ADGRL4: variants seen among roughly 807,000 people sequenced by gnomAD.
ADGRL4 encodes the protein EGF, latrophilin and seven transmembrane domain containing 1.
ADGRL4 carries 90 observed loss-of-function variants against 74.8 expected under a neutral mutation model. The ratio of observed to expected loss-of-function variants is 1.20; its 90% CI spans 1.02 to 1.43. The LOEUF (loss-of-function observed/expected upper bound fraction) is 1.43, where lower values mean the gene tolerates loss of function less well. Among genes scored for constraint, ADGRL4 ranks in the 40% most tolerant of loss-of-function variants. The pLI, the probability that ADGRL4 is intolerant of heterozygous loss-of-function variation, is 0.00. For missense variants in ADGRL4, 881 were observed against 814.3 expected, an observed-to-expected ratio of 1.08 and a Z score of -1.00; for synonymous variants, 311 against 279.2, an observed-to-expected ratio of 1.11 and a Z score of -1.14.
intron 2 of ADGRL4, among the ~76,000 whole-genome samples, chr1:78,949,758 C>A (rs1649684010): frequency 1.3e-5 from 2 of 152,060 alleles, no homozygotes; most frequent in Non-Finnish European, 2.9e-5. Flanking sequence ...TACCTAATCC[C>A]TGTAACTAAC....
intron 2 of ADGRL4, among the ~76,000 whole-genome samples, chr1:78,954,336 A>G (rs1005709322): frequency 6.6e-6 from 1 of 152,098 alleles, no homozygotes; most frequent in Non-Finnish European, 1.5e-5. Flanking sequence ...GGAATGAGAA[A>G]TGTACTGAAA....
chr1:78,949,465 A>T (rs10157118), intron 2 of ADGRL4, among the ~76,000 whole-genome samples: 13,553 of 152,192 alleles, frequency 0.089, 798 homozygotes, highest in East Asian at 0.33. Context: ...TGATATGGAC[A>T]AATTCCCTAA....
intron 12 of ADGRL4, among the ~76,000 whole-genome samples, chr1:78,899,686 T>A (rs1313793599): frequency 6.6e-6 from 1 of 152,138 alleles, no homozygotes; most frequent in Non-Finnish European, 1.5e-5. Flanking sequence ...CATCAGAATT[T>A]TAAATTGTGC....
At chr1:78,920,587 A>G (rs564278403) in intron 9 of ADGRL4, among the ~76,000 whole-genome samples, 1 of 152,012 alleles carries the variant, frequency 6.6e-6, no homozygotes, top group East Asian at 1.9e-4. Context: ...GATGTAAATC[A>G]TGTAGCACTT....
chr1:78,927,045 C>G lies in ADGRL4; in HGVS notation c.924G>C (p.Leu308Phe), dbSNP rs767286930. The G allele has an allele frequency of 6.2e-7, 1 of 1,607,406 alleles. No homozygotes were observed. The highest frequency in any genetic ancestry group is 8.5e-7 in the Non-Finnish European group (1 of 1,175,118). Residue 308 changes from leucine (L) to phenylalanine (F), a missense_variant, in exon 8 of 15, where the codon TTG (leucine) becomes TTC (phenylalanine). Physicochemically the swap from Leu to Phe is conservative, Grantham distance 22. Coordinates refer to ENST00000370742, the MANE Select transcript of ADGRL4 (RefSeq NM_022159.4). ...ATAAGAAGTTGTCAGATGATGAAAGCAAAGGACCAATACTCTTATAATATA... is the reference window on the plus strand; with the variant it reads ...ATAAGAAGTTGTCAGATGATGAAAGGAAAGGACCAATACTCTTATAATATA... ...AFVYYKSIGP[L>F]LSSSDNFLLK...
At chr1:78,932,650 A>T (rs1021196100) in intron 7 of ADGRL4, among the ~76,000 whole-genome samples, 3 of 148,018 alleles carry the variant, frequency 2.0e-5, no homozygotes, top group African/African-American at 7.6e-5. Context: ...AAGCTGGTTA[A>T]AAAAAAATTA....
chr1:78,946,608 ATCT>A (rs1649606643), intron 2 of ADGRL4, among the ~76,000 whole-genome samples, 182 bp from the exon 3 acceptor site: 1 of 152,158 alleles, frequency 6.6e-6, no homozygotes, highest in African/African-American at 2.4e-5. Context: ...ATAATAAGAG[ATCT>A]TCTTTGTAGT....
chr1:78,892,964 G>A (rs1158920537), intron 13 of ADGRL4, 134 bp downstream of exon 13: 2 of 594,178 alleles, frequency 3.4e-6, no homozygotes, highest in Non-Finnish European at 5.7e-6. Context: ...GCTATTTTCC[G>A]ATGCGTCTTT....
At chr1:79,004,963 T>C (rs1650928439) in intron 2 of ADGRL4, 107 bp downstream of exon 2, 1 of 992,270 alleles carries the variant, frequency 1.0e-6, no homozygotes, top group South Asian at 2.4e-5. Context: ...TAGTATGAAA[T>C]TAAACAGTAT....
Position 78,996,720 on chromosome 1 carries a change from T to G in ADGRL4, c.172+8350A>C, listed in dbSNP as rs532328522. 1.2e-3 allele frequency among the ~76,000 whole-genome samples: 179 copies of G among 152,334 alleles called. 1 individual carries two copies. Among genetic ancestry groups the G allele is most frequent in the African/African-American group, 4.0e-3 (165 of 41,590 alleles). On this transcript the variant is annotated intron_variant, in intron 2 of 14. Transcript: ENST00000370742. ...TTATTTTCCATTTTGCTCTCTTATA[T>G]TCCATCTTCGCTTTTTAGCTCTACA...
Position 78,937,815 on chromosome 1 carries a change from G to A in ADGRL4, c.752C>T (p.Thr251Met), listed in dbSNP as rs369699141. ...QKTTEFDTNS[T>M]DIALKVFFFD... ...GGACCCTTGTTTCTTACCTATATCC[G>A]TTGAATTTGTATCAAACTCTGTGGT... is the stretch of plus-strand genomic sequence containing the variant. Residue 251 changes from threonine to methionine, a missense_variant, in exon 6 of 15, where the codon ACG becomes ATG. Coordinates refer to ENST00000370742, the MANE Select transcript of ADGRL4 (RefSeq NM_022159.4). The A allele has an allele frequency of 2.8e-5, 45 of 1,605,440 alleles. No homozygotes were observed. The highest frequency in any genetic ancestry group is 1.7e-4 in the Middle Eastern group (1 of 6,030).
chr1:78,967,763 T>A (rs1650085232), intron 2 of ADGRL4, among the ~76,000 whole-genome samples: 13 of 152,156 alleles, frequency 8.5e-5, no homozygotes. Context: ...ATCTGCTCTT[T>A]GGCAAAATTT....
intron 8 of ADGRL4, among the ~76,000 whole-genome samples, chr1:78,925,024 A>G (rs973044001): frequency 1.3e-5 from 2 of 152,030 alleles, no homozygotes; most frequent in Non-Finnish European, 2.9e-5. Context: ...ATTTTTTTAT[A>G]AGGTAGAGAC....
At chr1:78,935,533 A>T (rs1273537923) in intron 7 of ADGRL4, among the ~76,000 whole-genome samples, 6 of 41,846 alleles carry the variant, frequency 1.4e-4, no homozygotes, top group Non-Finnish European at 1.4e-4. Context: ...CAAAATTAAA[A>T]AAAAAAAAAC....
chr1:78,926,530 C>A (rs17412765), intron 8 of ADGRL4, among the ~76,000 whole-genome samples: 1 of 151,874 alleles, frequency 6.6e-6, no homozygotes, highest in East Asian at 1.9e-4. Context: ...TAATGAAACA[C>A]CTCACTTATT....
intron 2 of ADGRL4, among the ~76,000 whole-genome samples, chr1:78,971,524 G>A (rs933122984): frequency 3.3e-5 from 5 of 152,018 alleles, no homozygotes; most frequent in Admixed American, 6.6e-5. Context: ...GGATTCAATC[G>A]GCAAGGCAGG....
chr1:79,006,439 C>T (rs943546818), intron 1 of ADGRL4, among the ~76,000 whole-genome samples, 194 bp downstream of exon 1: 3 of 152,316 alleles, frequency 2.0e-5, no homozygotes, highest in South Asian at 4.1e-4. Flanking sequence ...GTAACATTCC[C>T]TGGACCTTGG....
At chr1:78,961,883 C>CTT (rs775816289) in intron 2 of ADGRL4, among the ~76,000 whole-genome samples, 2 of 138,718 alleles carry the variant, frequency 1.4e-5, no homozygotes, top group Non-Finnish European at 3.2e-5. Flanking sequence ...GGCTATAATT[C>CTT]TTTTTTTTTT....
rs182262171 is a variant in ADGRL4 at position 78,911,821 on chromosome 1, A to T, written c.1749+5813T>A. Reference sequence around the variant, plus strand: ...TGTTAAAAAATAAGTTAAAGTTGTTATTGCTGTTTTTACCATAGCCGTGTT... The same window carrying T: ...TGTTAAAAAATAAGTTAAAGTTGTTTTTGCTGTTTTTACCATAGCCGTGTT... On this transcript the variant is annotated intron_variant, in intron 12 of 14. Coordinates refer to ENST00000370742, the MANE Select transcript of ADGRL4 (RefSeq NM_022159.4). Among the ~76,000 whole-genome samples the T allele has an allele frequency of 3.3e-5, 5 of 151,946 alleles. No homozygotes were observed. In the East Asian group the frequency reaches 9.7e-4, roughly 29 times the overall value.
Sources: allele counts gnomAD v4.1 joint callset (sites outside exome capture counted in the v4.1 genomes callset), GRCh38; gene constraint gnomAD v4.1.1; transcripts MANE v1.5; gene names NCBI Gene and HGNC (gene_info 2026-07-23, HGNC 2026-07-21).